The following ZNF282 variants were observed in gnomAD, a reference collection of about 807,000 sequenced individuals.
ZNF282 encodes the protein zinc finger protein 282.
In ZNF282, 30 loss-of-function variants were observed where a neutral mutation model predicts 61.9. That is an observed-to-expected ratio of 0.48 (90% CI 0.36 to 0.66). ZNF282 has a LOEUF of 0.66. ZNF282 is among the 30% of genes least tolerant of loss of function. The pLI is 0.00. For missense variants in ZNF282, 788 were observed against 941.4 expected (o/e 0.84, Z 2.13); for synonymous variants, 396 against 405.0 (o/e 0.98, Z 0.27).
In ZNF282 at chr7:149,210,687, C is replaced by G; in HGVS notation, c.935C>G (p.Pro312Arg). The G allele has an allele frequency of 6.2e-7, 1 of 1,601,470 alleles. No homozygotes were observed. The highest frequency in any genetic ancestry group is 8.5e-7 in the Non-Finnish European group (1 of 1,175,098). Residue 312 changes from proline (P) to arginine (R), a missense_variant, in exon 5 of 8, where the codon CCT becomes CGT. Around this residue, in one of 3 missense-constraint regions of ZNF282, gnomAD observed 559 missense variants for 642.0 expected, o/e 0.87. Coordinates refer to ENST00000610704, the MANE Select transcript of ZNF282 (RefSeq NM_003575.4). ...GQRGLEERAI[P>R]TESITDSPIS... is the part of the protein sequence containing the mutation. ...CGGGGCCTGGAGGAAAGAGCCATCC[C>G]TACGGAATCCATTACCGGTGAGTGA... is the stretch of plus-strand genomic sequence containing the variant.
Position 149,198,356 on chromosome 7 carries a change from C to T in ZNF282, c.189C>T (p.Ala63=). 6.2e-7 allele frequency: 1 copy of T among 1,611,832 alleles called. No homozygotes were observed. Among genetic ancestry groups the T allele is most frequent in the Non-Finnish European group, 8.5e-7 (1 of 1,178,528 alleles). Reference sequence around the variant, plus strand: ...AGGCTCAAGAATGGGACATGGACGCCCGGCGGCCAATGCCTTTTCAGTTCC... The same window carrying T: ...AGGCTCAAGAATGGGACATGGACGCTCGGCGGCCAATGCCTTTTCAGTTCC... ...PMQAQEWDMD[A]RRPMPFQFPP... is the part of the protein sequence containing the mutation. The change falls in exon 2 of 8, where the codon GCC becomes GCT. Residue 63 remains alanine, a synonymous_variant. Coordinates refer to ENST00000610704, the MANE Select transcript of ZNF282 (RefSeq NM_003575.4). The surrounding 1 kb of genome is among the most constrained non-coding windows in gnomAD (Gnocchi z 4.3).
At chr7:149,196,254 C>T (rs775157686) in intron 1 of ZNF282, among the ~76,000 whole-genome samples, 12 of 152,232 alleles carry the variant, frequency 7.9e-5, no homozygotes, top group Non-Finnish European at 1.6e-4. Context: ...CACTCTCCCC[C>T]TGCACCGGGT....
chr7:149,216,644 G>A (rs1796163961), intron 7 of ZNF282, among the ~76,000 whole-genome samples: 1 of 152,126 alleles, frequency 6.6e-6, no homozygotes, highest in African/African-American at 2.4e-5. Context: ...TGGTTGCCAG[G>A]GACAGCCAGA....
intron 7 of ZNF282, among the ~76,000 whole-genome samples, chr7:149,214,886 G>A (rs1035288706): frequency 1.3e-5 from 2 of 152,142 alleles, no homozygotes; most frequent in African/African-American, 4.8e-5. Flanking sequence ...GCATCCCTGA[G>A]CTACCATCCC....
chr7:149,210,633 G>A lies in ZNF282; in HGVS notation c.881G>A (p.Arg294His), dbSNP rs147806074. 9 of 1,612,356 alleles carry A rather than the reference G, an allele frequency of 5.6e-6. No homozygotes were observed. In the African/African-American group the frequency reaches 8.0e-5, roughly 14 times the overall value. The change falls in exon 5 of 8, where the codon CGT (arginine) becomes CAT (histidine). Residue 294 changes from arginine (R) to histidine (H), a missense_variant. Physicochemically the swap from Arg to His is conservative, Grantham distance 29 (BLOSUM62 0). Transcript: ENST00000610704. ...CAGGATGCGTCCTCCCAGGTGAAGC[G>A]TGAGGACACCCTGTGTGTCCGGGGT... ...PAQDASSQVK[R>H]EDTLCVRGQR...
rs751202747 is a variant in ZNF282, at chr7:149,210,653, C to T, written c.901C>T (p.Arg301Trp). Residue 301 changes from arginine (R) to tryptophan (W), a missense_variant, in exon 5 of 8, where the codon CGG becomes TGG. Arg to Trp is a moderately radical substitution (Grantham distance 101). Coordinates refer to ENST00000610704, the MANE Select transcript of ZNF282 (RefSeq NM_003575.4). Reference protein sequence around the residue: ...QVKREDTLCVRGQRGLEERAI... With the variant: ...QVKREDTLCVWGQRGLEERAI... Reference sequence around the variant, plus strand: ...GAAGCGTGAGGACACCCTGTGTGTCCGGGGTCAGCGGGGCCTGGAGGAAAG... The same window carrying T: ...GAAGCGTGAGGACACCCTGTGTGTCTGGGGTCAGCGGGGCCTGGAGGAAAG... 42 of 1,610,256 alleles carry T rather than the reference C, an allele frequency of 2.6e-5. No individual in the cohort carries two copies. Among genetic ancestry groups the T allele is most frequent in the Middle Eastern group, 1.6e-4 (1 of 6,072 alleles).
intron 2 of ZNF282, among the ~76,000 whole-genome samples, chr7:149,200,445 C>T (rs1192906831): frequency 6.6e-6 from 1 of 152,174 alleles, no homozygotes; most frequent in Admixed American, 6.6e-5. Flanking sequence ...CCTACCTCAC[C>T]AGCTGCTGTG....
chr7:149,202,742 C>A (rs1585561921), intron 2 of ZNF282, among the ~76,000 whole-genome samples: 1 of 152,214 alleles, frequency 6.6e-6, no homozygotes, highest in Non-Finnish European at 1.5e-5. Flanking sequence ...TGAACCACTG[C>A]ACCTGGCCTT....
At position 149,223,867 on chromosome 7, in the gene ZNF282, CCAGCCCCAGCCACCG is replaced by C. The variant is rs1429554554; in HGVS notation, c.1242_1256del (p.Pro416_Gln420del). 1.4e-6 allele frequency: 2 copies of C among 1,452,796 alleles called. No individual in the cohort carries two copies. The highest frequency in any genetic ancestry group is 3.0e-5 in the African/African-American group (2 of 67,716). 90.0% of individuals were successfully genotyped at this position (1,452,796 alleles called of 1,614,324 possible). A position where few individuals can be genotyped will look rare whatever the true frequency, so the allele number is the denominator to read the frequency against. The stretch of plus-strand genomic sequence containing the variant: ...CCCCGGCCCCGCCACAGCCCCAGCC[CCAGCCCCAGCCACCG>C]CAGCCGCAGCTGCAGTCGCAGCCCC... On this transcript the variant is annotated inframe_deletion, in exon 8 of 8. Coordinates refer to ENST00000610704, the MANE Select transcript of ZNF282 (RefSeq NM_003575.4).
chr7:149,214,096 G>T (rs1485626104), intron 7 of ZNF282, among the ~76,000 whole-genome samples: 8 of 152,148 alleles, frequency 5.3e-5, no homozygotes, highest in African/African-American at 1.9e-4. Context: ...AAAATCAAGG[G>T]GTGGGCTGGG....
chr7:149,206,281 G>A (rs1795989467), intron 2 of ZNF282, among the ~76,000 whole-genome samples: 1 of 152,184 alleles, frequency 6.6e-6, no homozygotes, highest in South Asian at 2.1e-4. Context: ...AGAGGTAACT[G>A]TGTGCACAGA....
At chr7:149,196,689 G>A (rs1433568338) in intron 1 of ZNF282, among the ~76,000 whole-genome samples, 1 of 152,150 alleles carries the variant, frequency 6.6e-6, no homozygotes, top group Non-Finnish European at 1.5e-5. Context: ...AACTAAACTG[G>A]GCCCCGGGAC....
At position 149,212,486 on chromosome 7, in the gene ZNF282, A is replaced by T. The variant is rs776221161; in HGVS notation, c.1066+15A>T. 3.2e-6 allele frequency: 5 copies of T among 1,577,392 alleles called. No homozygotes were observed. Among genetic ancestry groups the T allele is most frequent in the Admixed American group, 1.8e-5 (1 of 56,898 alleles). On this transcript the variant is annotated intron_variant, in intron 6 of 7. Coordinates refer to ENST00000610704, the MANE Select transcript of ZNF282 (RefSeq NM_003575.4). ...TCCCAATTCAGGTGAGAACAAGGTCAGAATGAATCTTGAGGGCAACAAGTG... is the reference window on the plus strand; with the variant it reads ...TCCCAATTCAGGTGAGAACAAGGTCTGAATGAATCTTGAGGGCAACAAGTG...
At chr7:149,207,307 G>A (rs747901036) in intron 3 of ZNF282, 44 bp from the exon 4 acceptor site, 13 of 1,566,476 alleles carry the variant, frequency 8.3e-6, no homozygotes, top group Non-Finnish European at 1.1e-5. Context: ...TGGATGCGTT[G>A]GTCAACTTCA....
intron 2 of ZNF282, among the ~76,000 whole-genome samples, chr7:149,203,610 G>A (rs147159957): frequency 7.9e-4 from 120 of 152,326 alleles, no homozygotes; most frequent in African/African-American, 2.6e-3. Context: ...TCCTGCCTTG[G>A]CTTCCCAAAG....
chr7:149,221,208 A>G lies in ZNF282; in HGVS notation c.1181-2604A>G, dbSNP rs115920978. Among the ~76,000 whole-genome samples the G allele has an allele frequency of 4.0e-3, 612 of 152,320 alleles. 6 individuals are homozygous for G. Among genetic ancestry groups the G allele is most frequent in the African/African-American group, 0.013 (560 of 41,576 alleles). Reference sequence around the variant, plus strand: ...TGCCGGGATTACAGGCATGAGCCACAGTGCCTGGCCAGCTTGTGCAGTTTT... The same window carrying G: ...TGCCGGGATTACAGGCATGAGCCACGGTGCCTGGCCAGCTTGTGCAGTTTT... On this transcript the variant is annotated intron_variant, in intron 7 of 7. Transcript: ENST00000610704.
intron 4 of ZNF282, among the ~76,000 whole-genome samples, chr7:149,209,043 G>A (rs1796041434): frequency 5.0e-5 from 7 of 138,808 alleles, no homozygotes; most frequent in Admixed American, 4.4e-4. Context: ...AGAGGGCCGG[G>A]CGCGGTGGCT....
chr7:149,216,206 C>T (rs1369101987), intron 7 of ZNF282, among the ~76,000 whole-genome samples: 1 of 152,206 alleles, frequency 6.6e-6, no homozygotes, highest in East Asian at 1.9e-4. Flanking sequence ...TCAAGTGATG[C>T]TCCTGCCTCA....
chr7:149,210,135 C>G (rs563465150), intron 4 of ZNF282, among the ~76,000 whole-genome samples: 1 of 152,106 alleles, frequency 6.6e-6, no homozygotes, highest in African/African-American at 2.4e-5. Flanking sequence ...TATATATACA[C>G]GTGTGTGTGC....
Sources: allele counts gnomAD v4.1 joint callset (sites outside exome capture counted in the v4.1 genomes callset), GRCh38; gene constraint gnomAD v4.1.1; regional missense constraint gnomAD v4.1.1; non-coding constraint Gnocchi (gnomAD v3.1); transcripts MANE v1.5; gene names NCBI Gene and HGNC (gene_info 2026-07-23, HGNC 2026-07-21).